The following ADRA1A variants were observed in gnomAD, a reference collection of about 807,000 sequenced individuals.
ADRA1A encodes alpha-1A adrenergic receptor.
A neutral mutation model predicts 29.6 loss-of-function variants in ADRA1A; 31 were observed. That is an observed-to-expected ratio of 1.05 (90% CI 0.79 to 1.41). The LOEUF (loss-of-function observed/expected upper bound fraction) is 1.41. Among genes scored for constraint, ADRA1A ranks in the 40% most tolerant of loss-of-function variants. The pLI is 0.00. For synonymous variants in ADRA1A, 311 were observed against 254.3 expected (o/e 1.22, Z -2.12); for missense variants, 619 against 601.1 (o/e 1.03, Z -0.31).
At chr8:26,854,737 C>T (rs528328756) in intron 2 of ADRA1A, 5 of 152,350 alleles carry the variant, frequency 3.3e-5, no homozygotes, top group Admixed American at 1.3e-4. Flanking sequence ...TCTCTGACTA[C>T]TATGACATTT....
downstream of ADRA1A, among the ~76,000 whole-genome samples, chr8:26,767,048 A>G (rs1805830311): frequency 6.6e-6 from 1 of 152,174 alleles, no homozygotes; most frequent in South Asian, 2.1e-4. Flanking sequence ...TCCTTGACAT[A>G]ATCTGGGGAA....
Position 26,865,184 on chromosome 8 carries a change from A to G in ADRA1A, c.-215T>C. ...AGGCCACATGAAGGGGCAGGGCATT[A>G]AAGACATGGCCAGGGGCGCGCGGGG... On this transcript the variant is annotated 5_prime_UTR_variant, in exon 2 of 3. Coordinates refer to ENST00000380573, the MANE Select transcript of ADRA1A (RefSeq NM_000680.4). The surrounding 1 kb of genome is among the most constrained non-coding windows in gnomAD (Gnocchi z 7.6). 7.1e-7 allele frequency: 1 copy of G among 1,404,566 alleles called. No individual in the cohort carries two copies. The highest frequency in any genetic ancestry group is 2.7e-5 in the East Asian group (1 of 37,554). The allele number at this position is 1,404,566 out of a possible 1,614,324, so 87.0% of individuals were successfully genotyped here. A position where few individuals can be genotyped will look rare whatever the true frequency, so the allele number is the denominator to read the frequency against.
intron 2 of ADRA1A, among the ~76,000 whole-genome samples, chr8:26,833,300 C>G (rs533392890): frequency 3.0e-4 from 46 of 152,244 alleles, no homozygotes; most frequent in African/African-American, 1.1e-3. Context: ...ACCCAGCCCC[C>G]CATCGTCTTA....
At chr8:26,859,926 C>A (rs1183159602) in intron 2 of ADRA1A, among the ~76,000 whole-genome samples, 2 of 152,044 alleles carry the variant, frequency 1.3e-5, no homozygotes, top group African/African-American at 4.8e-5. Context: ...CACCACCATG[C>A]CCAGCTAATT....
chr8:26,820,529 G>C (rs1021855012), intron 2 of ADRA1A, among the ~76,000 whole-genome samples: 2 of 152,144 alleles, frequency 1.3e-5, no homozygotes, highest in Non-Finnish European at 2.9e-5. Flanking sequence ...TCTTTGGCTG[G>C]ATAGTACAGC....
At chr8:26,852,117 A>G (rs1295883727) in intron 2 of ADRA1A, among the ~76,000 whole-genome samples, 1 of 152,106 alleles carries the variant, frequency 6.6e-6, no homozygotes, top group Non-Finnish European at 1.5e-5. Flanking sequence ...TCAAATGAAC[A>G]AACAACAACA....
chr8:26,863,932 C>T, intron 2 of ADRA1A, 155 bp downstream of exon 2: 1 of 787,278 alleles, frequency 1.3e-6, no homozygotes, highest in South Asian at 2.0e-5. Flanking sequence ...TGAAAATTCA[C>T]TTTTCTACAA....
At position 26,823,745 on chromosome 8, in the gene ADRA1A, T is replaced by G. The variant is rs770450244; in HGVS notation, c.883+40342A>C. On this transcript the variant is annotated intron_variant, in intron 2 of 2. Transcript: ENST00000380573. The surrounding 1 kb of genome is among the most constrained non-coding windows in gnomAD (Gnocchi z 4.2). Reference sequence around the variant, plus strand: ...ATCACTCATACTTGACACCTCATATTCTTGCAACTTCAAGGGCACAACCAC... The same window carrying G: ...ATCACTCATACTTGACACCTCATATGCTTGCAACTTCAAGGGCACAACCAC... Among the ~76,000 whole-genome samples the G allele has an allele frequency of 3.3e-5, 5 of 152,158 alleles. No individual in the cohort carries two copies. Among genetic ancestry groups the G allele is most frequent in the Non-Finnish European group, 5.9e-5 (4 of 68,032 alleles).
chr8:26,779,829 C>T (rs571823395), intron 2 of ADRA1A, among the ~76,000 whole-genome samples: 48 of 152,196 alleles, frequency 3.2e-4, no homozygotes, highest in South Asian at 1.7e-3. Context: ...CTGCTGGTCG[C>T]GTCAGAACTT....
chr8:26,858,726 C>T (rs982914178), intron 2 of ADRA1A, among the ~76,000 whole-genome samples: 1 of 152,214 alleles, frequency 6.6e-6, no homozygotes, highest in African/African-American at 2.4e-5. Flanking sequence ...TCTCTCTACT[C>T]ATCTCCATGG....
At chr8:26,861,051 G>A (rs1813416903) in intron 2 of ADRA1A, among the ~76,000 whole-genome samples, 1 of 152,098 alleles carries the variant, frequency 6.6e-6, no homozygotes, top group South Asian at 2.1e-4. Flanking sequence ...CTGGACCTGT[G>A]AGCCTCACGT....
At chr8:26,811,224 G>A (rs963509526) in intron 2 of ADRA1A, among the ~76,000 whole-genome samples, 4 of 148,162 alleles carry the variant, frequency 2.7e-5, no homozygotes, top group Admixed American at 7.0e-5. Context: ...ACGGAGTCTC[G>A]CTCTGTCGCA....
At position 26,864,866 on chromosome 8, in the gene ADRA1A, C is replaced by T. The variant is rs1453844304; in HGVS notation, c.104G>A (p.Gly35Asp). 9 of 1,613,906 alleles carry T rather than the reference C, an allele frequency of 5.6e-6. No individual in the cohort carries two copies. Among genetic ancestry groups the T allele is most frequent in the South Asian group, 4.4e-5 (4 of 91,064 alleles). Residue 35 changes from glycine (G) to aspartate (D), a missense_variant, in exon 2 of 3, where the codon GGC (glycine) becomes GAC (aspartate). By Grantham distance (94) the Gly-to-Asp change is moderately conservative (BLOSUM62 -1). Transcript: ENST00000380573. This position sits in a 1 kb window ranked among gnomAD's most constrained non-coding sequence, Gnocchi z 8.1. ...KAILLGVILGGLILFGVLGNI... is the reference protein window; with the variant it reads ...KAILLGVILGDLILFGVLGNI... ...ACCCAGCACCCCGAAAAGAATGAGG[C>T]CCCCCAAGATCACCCCGAGCAGAAT...
intron 2 of ADRA1A, among the ~76,000 whole-genome samples, chr8:26,847,026 A>G (rs2130725346): frequency 6.6e-6 from 1 of 152,154 alleles, no homozygotes; most frequent in South Asian, 2.1e-4. Context: ...CACTGAGAAC[A>G]CATGGACACA....
At chr8:26,788,294 G>A (rs1416371719) in intron 2 of ADRA1A, among the ~76,000 whole-genome samples, 1 of 152,056 alleles carries the variant, frequency 6.6e-6, no homozygotes, top group African/African-American at 2.4e-5. Flanking sequence ...TAGAGCTGAG[G>A]CCATATGTTT....
In ADRA1A at chr8:26,831,718, T is replaced by G. The variant is rs1189812049; in HGVS notation, c.883+32369A>C. On this transcript the variant is annotated intron_variant, in intron 2 of 2. Transcript: ENST00000380573. The surrounding 1 kb of genome is among the most constrained non-coding windows in gnomAD (Gnocchi z 5.2). ...TTTCCAGGACAAGAAGAACATAGTT[T>G]CACTCGCAGGGAATGAAGGACCCTT... Among the ~76,000 whole-genome samples, 1 of 152,246 alleles carries G rather than the reference T, an allele frequency of 6.6e-6. No homozygotes were observed. Among genetic ancestry groups the G allele is most frequent in the Non-Finnish European group, 1.5e-5 (1 of 68,050 alleles).
chr8:26,817,852 A>G (rs1809873866), intron 2 of ADRA1A, among the ~76,000 whole-genome samples: 1 of 152,212 alleles, frequency 6.6e-6, no homozygotes, highest in Admixed American at 6.5e-5. Context: ...AACCCAAGTT[A>G]AATAAAAACT....
At chr8:26,840,896 CTA>C (rs1811768745) in intron 2 of ADRA1A, among the ~76,000 whole-genome samples, 1 of 152,132 alleles carries the variant, frequency 6.6e-6, no homozygotes, top group Non-Finnish European at 1.5e-5. Context: ...AGAATTATGG[CTA>C]TAGAGAGCAA....
At chr8:26,847,897 C>G (rs934626953) in intron 2 of ADRA1A, among the ~76,000 whole-genome samples, 5 of 152,220 alleles carry the variant, frequency 3.3e-5, no homozygotes, top group African/African-American at 1.2e-4. Context: ...GCAGGGTTCC[C>G]TGGCTGCTTC....
Sources: allele counts gnomAD v4.1 joint callset (sites outside exome capture counted in the v4.1 genomes callset), GRCh38; gene constraint gnomAD v4.1.1; non-coding constraint Gnocchi (gnomAD v3.1); transcripts MANE v1.5; gene names NCBI Gene and HGNC (gene_info 2026-07-23, HGNC 2026-07-21).